Variants in CD53 observed in about 807,000 individuals in gnomAD.
The protein encoded by CD53 is leukocyte surface antigen CD53.
CD53 carries 20 observed loss-of-function variants against 27.3 expected under a neutral mutation model. The ratio of observed to expected loss-of-function variants is 0.73; its 90% confidence interval spans 0.52 to 1.07. CD53 has a LOEUF of 1.07. Ranked by LOEUF, CD53 falls within the 50% of genes least tolerant of loss-of-function variation. The pLI is 0.00. For missense variants in CD53, 216 were observed against 264.0 expected (o/e 0.82, Z 1.26); for synonymous variants, 106 against 105.3 (o/e 1.01, Z -0.04).
chr1:110,890,861 A>C (rs529707506), intron 1 of CD53, among the ~76,000 whole-genome samples: 6 of 152,370 alleles, frequency 3.9e-5, no homozygotes, highest in African/African-American at 1.4e-4. Flanking sequence ...CAGAAAACAT[A>C]AATGTTTCTG....
At chr1:110,890,023 T>C (rs1013793635) in intron 1 of CD53, among the ~76,000 whole-genome samples, 6 of 152,182 alleles carry the variant, frequency 3.9e-5, no homozygotes, top group Non-Finnish European at 5.9e-5. Flanking sequence ...ATTCACTTTA[T>C]TGTGGAAGAG....
chr1:110,891,552 T>C, intron 2 of CD53, 81 bp downstream of exon 2: 1 of 666,394 alleles, frequency 1.5e-6, no homozygotes, highest in East Asian at 2.6e-5. Context: ...AAGAGGCTGG[T>C]GTGGGGTAAA....
At chr1:110,898,629 G>A (rs1380585094) in intron 7 of CD53, among the ~76,000 whole-genome samples, 1 of 151,940 alleles carries the variant, frequency 6.6e-6, no homozygotes, top group African/African-American at 2.4e-5. Flanking sequence ...ACAAGTGATG[G>A]GTGAATTGAG....
intron 1 of CD53, among the ~76,000 whole-genome samples, chr1:110,884,040 AC>A (rs1656467396): frequency 6.6e-6 from 1 of 151,866 alleles, no homozygotes; most frequent in South Asian, 2.1e-4. Context: ...TTCATTATCT[AC>A]TTCCTTCTGC....
upstream of CD53, among the ~76,000 whole-genome samples, chr1:110,872,363 G>T (rs191218760): frequency 4.4e-3 from 664 of 152,248 alleles, 7 homozygotes; most frequent in African/African-American, 0.015. Flanking sequence ...CTCTTTGAGC[G>T]CCTGTTTTCT....
At chr1:110,886,144 A>AT (rs556501901) in intron 1 of CD53, among the ~76,000 whole-genome samples, 2 of 151,684 alleles carry the variant, frequency 1.3e-5, no homozygotes, top group Non-Finnish European at 2.9e-5. Flanking sequence ...TAGTATGACA[A>AT]TTTTTTTTCT....
At chr1:110,895,403 C>T (rs1405694992) in intron 5 of CD53, among the ~76,000 whole-genome samples, 2 of 152,126 alleles carry the variant, frequency 1.3e-5, no homozygotes, top group Non-Finnish European at 1.5e-5. Flanking sequence ...CATTGAGTTC[C>T]CGAGTTGCCC....
chr1:110,883,746 A>C (rs1656451285), intron 1 of CD53, among the ~76,000 whole-genome samples: 1 of 151,926 alleles, frequency 6.6e-6, no homozygotes, highest in African/African-American at 2.4e-5. Flanking sequence ...TATTCAGGTT[A>C]TCTATTTTTT....
Position 110,891,308 on chromosome 1 carries a change from A to G in CD53, c.-17-84A>G, listed in dbSNP as rs559427600. The G allele has an allele frequency of 3.2e-6, 3 of 948,844 alleles. No individual in the cohort carries two copies. In the Admixed American group the frequency reaches 5.2e-5, roughly 17 times the overall value. 58.8% of individuals were successfully genotyped at this position (948,844 alleles called of 1,614,324 possible). A position where few individuals can be genotyped will look rare whatever the true frequency, so the allele number is the denominator to read the frequency against. ...CACAGCTCAAACCCAAGGTAATGCT[A>G]GAGATCCCTGAACATTTGTGCACTC... On this transcript the variant is annotated intron_variant, in intron 1 of 7. Coordinates refer to ENST00000271324, the MANE Select transcript of CD53 (RefSeq NM_000560.4).
chr1:110,899,117 T>G lies in CD53; in HGVS notation c.589-7T>G. On this transcript the variant is annotated splice_region_variant and splice_polypyrimidine_tract_variant and intron_variant, in intron 7 of 7. Coordinates refer to ENST00000271324, the MANE Select transcript of CD53 (RefSeq NM_000560.4). ...AAGACTTCAAATTTTCCCAACTCTT[T>G]TCACAGGTGTTGGGGATGTCCTTTG... 6.2e-7 allele frequency: 1 copy of G among 1,612,164 alleles called. No individual in the cohort carries two copies. Among genetic ancestry groups the G allele is most frequent in the Non-Finnish European group, 8.5e-7 (1 of 1,178,438 alleles).
At chr1:110,889,946 A>AAAAGAGCAC (rs1656787666) in intron 1 of CD53, among the ~76,000 whole-genome samples, 1 of 152,186 alleles carries the variant, frequency 6.6e-6, no homozygotes, top group African/African-American at 2.4e-5. Context: ...AAAAGAGGGG[A>AAAAGAGCAC]AAAGAGCACA....
At chr1:110,890,674 T>C (rs1044719129) in intron 1 of CD53, among the ~76,000 whole-genome samples, 37 of 152,234 alleles carry the variant, frequency 2.4e-4, no homozygotes, top group African/African-American at 8.7e-4. Context: ...ACATTGGACA[T>C]TGATGTCCTC....
At chr1:110,889,712 A>T (rs1198889039) in intron 1 of CD53, among the ~76,000 whole-genome samples, 2 of 152,184 alleles carry the variant, frequency 1.3e-5, no homozygotes, top group Non-Finnish European at 2.9e-5. Context: ...CGTTTTACAT[A>T]GGAAGAAATT....
chr1:110,889,689 A>G (rs1656774156), intron 1 of CD53, among the ~76,000 whole-genome samples: 1 of 152,146 alleles, frequency 6.6e-6, no homozygotes, highest in Non-Finnish European at 1.5e-5. Flanking sequence ...CCTATAAGGG[A>G]TAAGTGTTGG....
chr1:110,888,215 G>A lies in CD53; in HGVS notation c.-17-3177G>A, dbSNP rs565273048. On this transcript the variant is annotated intron_variant, in intron 1 of 7. Coordinates refer to ENST00000271324, the MANE Select transcript of CD53 (RefSeq NM_000560.4). ...CAGAACTGTAAAATAATAAATTTGC[G>A]TTGCTAAGGCACGAAGTTTGTGGTA... Among the ~76,000 whole-genome samples the A allele has an allele frequency of 7.9e-5, 12 of 152,242 alleles. 1 individual carries two copies. Among genetic ancestry groups the A allele is most frequent in the Admixed American group, 5.2e-4 (8 of 15,296 alleles).
chr1:110,886,865 ATATATT>A (rs1389968130), intron 1 of CD53, among the ~76,000 whole-genome samples: 2 of 44,362 alleles, frequency 4.5e-5, no homozygotes, highest in African/African-American at 7.3e-5. Context: ...ATATATATAT[ATATATT>A]TTTTTTTTCT....
chr1:110,893,676 C>G (rs1411198528), intron 3 of CD53, among the ~76,000 whole-genome samples: 1 of 152,200 alleles, frequency 6.6e-6, no homozygotes, highest in Non-Finnish European at 1.5e-5. Context: ...TAAAAAGTCC[C>G]TCTTCTCAGA....
chr1:110,890,196 T>C (rs1329233854), intron 1 of CD53, among the ~76,000 whole-genome samples: 1 of 152,136 alleles, frequency 6.6e-6, no homozygotes, highest in Admixed American at 6.5e-5. Context: ...TGCCCCAACA[T>C]TCTGCTTGAT....
rs201712800 is a variant in CD53, at chr1:110,892,456, G to A, written c.175G>A (p.Val59Met). Residue 59 changes from valine to methionine, a missense_variant, in exon 3 of 8, where the codon GTG (valine) becomes ATG (methionine). Physicochemically the swap from Val to Met is conservative, Grantham distance 21. Transcript: ENST00000271324. ...CACGCTGGGCAATGTGTTTGTCATC[G>A]TGGGCTCTATTATCATGGTAGTTGC... ...SLTLGNVFVIVGSIIMVVAFL... is the reference protein window; with the variant it reads ...SLTLGNVFVIMGSIIMVVAFL... The A allele has an allele frequency of 1.3e-5, 21 of 1,613,892 alleles. No individual in the cohort carries two copies. The highest frequency in any genetic ancestry group is 6.7e-5 in the East Asian group (3 of 44,882).
Sources: allele counts gnomAD v4.1 joint callset (sites outside exome capture counted in the v4.1 genomes callset), GRCh38; gene constraint gnomAD v4.1.1; transcripts MANE v1.5; gene names NCBI Gene and HGNC (gene_info 2026-07-23, HGNC 2026-07-21).